The following EXOC2 variants were observed in gnomAD, a reference collection of about 807,000 sequenced individuals.
EXOC2 encodes SEC5-like 1.
A neutral mutation model predicts 131.8 loss-of-function variants in EXOC2; 70 were observed. The observed-to-expected ratio is 0.53, with a 90% CI of 0.44 to 0.65. The LOEUF is 0.65. Ranked by LOEUF, EXOC2 falls within the 30% of genes least tolerant of loss-of-function variation. The probability of loss-of-function intolerance (pLI) is 0.00; values close to 1 mark genes in which losing one functional copy is unlikely to be tolerated. For missense variants in EXOC2, 923 were observed against 1,108.6 expected, an observed-to-expected ratio of 0.83 and a Z score of 2.38; for synonymous variants, 411 against 398.4, an observed-to-expected ratio of 1.03 and a Z score of -0.38.
intron 13 of EXOC2, among the ~76,000 whole-genome samples, chr6:571,072 T>C (rs1758250730): frequency 6.6e-6 from 1 of 152,150 alleles, no homozygotes; most frequent in African/African-American, 2.4e-5. Flanking sequence ...AAAACTGAAA[T>C]TATTCACTTC....
intron 13 of EXOC2, among the ~76,000 whole-genome samples, chr6:568,520 T>C (rs904718035): frequency 6.6e-6 from 1 of 152,142 alleles, no homozygotes; most frequent in Non-Finnish European, 1.5e-5. Flanking sequence ...CCCCTTAGCA[T>C]AGATCTCTTC....
chr6:611,652 C>T (rs539798651), intron 6 of EXOC2, among the ~76,000 whole-genome samples: 2 of 152,310 alleles, frequency 1.3e-5, no homozygotes, highest in African/African-American at 4.8e-5. Context: ...AAAGGCAATC[C>T]TATTTTCCAG....
intron 1 of EXOC2, among the ~76,000 whole-genome samples, chr6:650,991 C>A (rs1013733755): frequency 6.6e-6 from 1 of 150,994 alleles, no homozygotes; most frequent in Non-Finnish European, 1.5e-5. Context: ...TCAAAACCTG[C>A]AGATCTTATA....
At chr6:649,757 G>A (rs758722096) in intron 1 of EXOC2, among the ~76,000 whole-genome samples, 2 of 152,180 alleles carry the variant, frequency 1.3e-5, no homozygotes, top group African/African-American at 2.4e-5. Flanking sequence ...TCTGTCATAT[G>A]AATAAGCCAG....
Position 608,217 on chromosome 6 carries a change from C to CCCGCCT in EXOC2, c.742+1875_742+1880dup, listed in dbSNP as rs1295433289. Among the ~76,000 whole-genome samples, 3 of 152,374 alleles carry CCCGCCT rather than the reference C, an allele frequency of 2.0e-5. No individual in the cohort carries two copies. In the East Asian group the frequency reaches 5.8e-4, roughly 29 times the overall value. On this transcript the variant is annotated intron_variant, in intron 7 of 27. Coordinates refer to ENST00000230449, the MANE Select transcript of EXOC2 (RefSeq NM_018303.6). ...AGTACTGAAGTCTGATAACTACGAACCCGCCTGGGCGGGACTCTCTCGGGG... is the reference window on the plus strand; with the variant it reads ...AGTACTGAAGTCTGATAACTACGAACCCGCCTCCGCCTGGGCGGGACTCTCTCGGGG...
At chr6:606,004 G>A (rs1760389640) in intron 7 of EXOC2, among the ~76,000 whole-genome samples, 1 of 152,146 alleles carries the variant, frequency 6.6e-6, no homozygotes, top group African/African-American at 2.4e-5. Flanking sequence ...CCATGTAGTT[G>A]AGCAGTTTTG....
At chr6:595,915 T>C (rs906625550) in intron 10 of EXOC2, among the ~76,000 whole-genome samples, 1 of 152,096 alleles carries the variant, frequency 6.6e-6, no homozygotes, top group Non-Finnish European at 1.5e-5. Flanking sequence ...TCTAGGATTC[T>C]ACAAACCAGG....
intron 1 of EXOC2, among the ~76,000 whole-genome samples, chr6:650,347 G>A (rs1306268597): frequency 6.6e-6 from 1 of 152,168 alleles, no homozygotes; most frequent in South Asian, 2.1e-4. Flanking sequence ...GCATCTCTGA[G>A]CTCTTGTTCC....
At chr6:637,343 C>T (rs1179274635) in intron 2 of EXOC2, among the ~76,000 whole-genome samples, 1 of 152,072 alleles carries the variant, frequency 6.6e-6, no homozygotes, top group Non-Finnish European at 1.5e-5. Flanking sequence ...ATTCACACAG[C>T]CCCTGAGAAG....
chr6:488,586 A>G (rs1456304324), intron 27 of EXOC2, among the ~76,000 whole-genome samples: 1 of 150,546 alleles, frequency 6.6e-6, no homozygotes, highest in Non-Finnish European at 1.5e-5. Flanking sequence ...CTCAAAAATT[A>G]AAAAAAAAAT....
At chr6:530,798 A>G (rs931259257) in intron 23 of EXOC2, among the ~76,000 whole-genome samples, 2 of 152,192 alleles carry the variant, frequency 1.3e-5, no homozygotes, top group African/African-American at 2.4e-5. Context: ...GATTCAACCA[A>G]CCATGAATGG....
intron 10 of EXOC2, among the ~76,000 whole-genome samples, chr6:597,149 T>G (rs2127637389): frequency 6.6e-6 from 1 of 152,332 alleles, no homozygotes; most frequent in East Asian, 1.9e-4. Flanking sequence ...CTTCATATCC[T>G]GTGAAATTCA....
chr6:582,550 G>A (rs994392416), intron 11 of EXOC2, among the ~76,000 whole-genome samples: 1 of 151,486 alleles, frequency 6.6e-6, no homozygotes, highest in African/African-American at 2.4e-5. Context: ...AACACGGGCC[G>A]GGAGCCTCCG....
chr6:513,774 G>GA (rs1764984080), intron 23 of EXOC2, among the ~76,000 whole-genome samples: 2 of 152,176 alleles, frequency 1.3e-5, no homozygotes, highest in African/African-American at 4.8e-5. Context: ...TGAGAAAACT[G>GA]AAGTAAATTG....
chr6:631,136 T>C (rs1237833867), intron 3 of EXOC2, among the ~76,000 whole-genome samples: 1 of 152,218 alleles, frequency 6.6e-6, no homozygotes, highest in Non-Finnish European at 1.5e-5. Context: ...CCAGGCAACC[T>C]GTAGCTGCAA....
At chr6:557,289 A>C (rs1757463017) in intron 17 of EXOC2, among the ~76,000 whole-genome samples, 1 of 152,292 alleles carries the variant, frequency 6.6e-6, no homozygotes, top group African/African-American at 2.4e-5. Context: ...AAAGTATAGA[A>C]ATAAAATAAT....
At chr6:555,350 T>G in intron 19 of EXOC2, 62 bp from the exon 20 acceptor site, 1 of 1,073,764 alleles carries the variant, frequency 9.3e-7, no homozygotes, top group Non-Finnish European at 1.3e-6. Context: ...TTAATCTATT[T>G]GGACACTAAA....
intron 21 of EXOC2, among the ~76,000 whole-genome samples, chr6:550,113 C>T (rs1040457149): frequency 4.6e-5 from 7 of 152,358 alleles, no homozygotes; most frequent in East Asian, 1.9e-4. Flanking sequence ...CCTGTGCTCC[C>T]GCAGGCAGGC....
At chr6:501,702 T>G in intron 23 of EXOC2, among the ~76,000 whole-genome samples, 1 of 127,776 alleles carries the variant, frequency 7.8e-6, no homozygotes, top group South Asian at 2.2e-4. Context: ...GATATATATA[T>G]CTCTATATAA....
Sources: allele counts gnomAD v4.1 joint callset (sites outside exome capture counted in the v4.1 genomes callset), GRCh38; gene constraint gnomAD v4.1.1; transcripts MANE v1.5; gene names NCBI Gene and HGNC (gene_info 2026-07-23, HGNC 2026-07-21).